MYO1E: variants seen among roughly 807,000 people sequenced by gnomAD.
The protein encoded by MYO1E is unconventional myosin-Ie.
MYO1E carries 68 observed loss-of-function variants against 151.1 expected under a neutral mutation model. The observed-to-expected ratio is 0.45, with a 90% CI of 0.37 to 0.55. The LOEUF is 0.55. MYO1E is among the 20% of genes least tolerant of loss of function. MYO1E has a pLI of 0.00. For missense variants in MYO1E, 1,363 were observed against 1,389.3 expected, an observed-to-expected ratio of 0.98 and a Z score of 0.30; for synonymous variants, 601 against 501.7, an observed-to-expected ratio of 1.20 and a Z score of -2.64.
chr15:59,147,426 C>T (rs2079447668), intron 26 of MYO1E, among the ~76,000 whole-genome samples: 1 of 151,788 alleles, frequency 6.6e-6, no homozygotes, highest in Admixed American at 6.6e-5. Flanking sequence ...ATGGCGAAAC[C>T]CCGTCCCTAC....
intron 4 of MYO1E, among the ~76,000 whole-genome samples, chr15:59,238,009 A>G (rs1164974177): frequency 6.6e-6 from 1 of 152,164 alleles, no homozygotes; most frequent in Non-Finnish European, 1.5e-5. Context: ...TATGCAAGTC[A>G]CTCACCATCC....
chr15:59,222,983 CAAAGG>C, intron 9 of MYO1E, 71 bp downstream of exon 9: 2 of 1,592,280 alleles, frequency 1.3e-6, no homozygotes, highest in Non-Finnish European at 1.7e-6. Flanking sequence ...GAGATCTAAG[CAAAGG>C]AAAGTGCTAG....
chr15:59,181,686 A>G (rs1382092919), intron 18 of MYO1E, among the ~76,000 whole-genome samples: 1 of 152,250 alleles, frequency 6.6e-6, no homozygotes, highest in Non-Finnish European at 1.5e-5. Context: ...AACACACAGA[A>G]TATTTCCTAA....
intron 17 of MYO1E, among the ~76,000 whole-genome samples, chr15:59,188,501 G>A (rs1180901838): frequency 6.6e-6 from 1 of 152,038 alleles, no homozygotes; most frequent in Non-Finnish European, 1.5e-5. Context: ...TTCAAGACCA[G>A]CCTGGCCAAC....
intron 25 of MYO1E, among the ~76,000 whole-genome samples, chr15:59,157,936 A>G (rs2079517944): frequency 6.6e-6 from 1 of 152,216 alleles, no homozygotes; most frequent in Non-Finnish European, 1.5e-5. Context: ...TTAGACCTGT[A>G]AACTCCTATT....
chr15:59,336,840 G>A (rs775583824), intron 1 of MYO1E, among the ~76,000 whole-genome samples: 6 of 151,404 alleles, frequency 4.0e-5, no homozygotes, highest in South Asian at 2.1e-4. Context: ...GAGAACATGC[G>A]GTGTTTGGTT....
chr15:59,212,006 C>A (rs1253686429), intron 12 of MYO1E, among the ~76,000 whole-genome samples: 1 of 152,064 alleles, frequency 6.6e-6, no homozygotes, highest in Non-Finnish European at 1.5e-5. Context: ...TCATGTCACT[C>A]CTCCCTCAAA....
chr15:59,144,003 CCT>C lies in MYO1E; in HGVS notation c.3081-5638_3081-5637del, dbSNP rs1242040206. 8.5e-4 allele frequency among the ~76,000 whole-genome samples: 130 copies of C among 152,238 alleles called. 1 individual carries two copies. Among genetic ancestry groups the C allele is most frequent in the Non-Finnish European group, 3.4e-4 (23 of 68,024 alleles). ...TTGTGTGGCTATTTGGCTAACTCCC[CCT>C]GAGATGGGGCCTCAAGCTCTATGTT... On this transcript the variant is annotated intron_variant, in intron 26 of 27. Coordinates refer to ENST00000288235, the MANE Select transcript of MYO1E (RefSeq NM_004998.4).
chr15:59,256,165 C>T, intron 4 of MYO1E, 119 bp downstream of exon 4: 1 of 743,472 alleles, frequency 1.3e-6, no homozygotes, highest in South Asian at 1.5e-5. Flanking sequence ...GCTACTCAGA[C>T]ACATTAACCA....
intron 16 of MYO1E, among the ~76,000 whole-genome samples, chr15:59,199,298 T>C (rs2079786605): frequency 6.6e-6 from 1 of 152,124 alleles, no homozygotes; most frequent in Admixed American, 6.5e-5. Context: ...GGTTTCACCA[T>C]GTTGGCCAGA....
At chr15:59,191,476 G>A (rs12903377) in intron 17 of MYO1E, among the ~76,000 whole-genome samples, 67,123 of 151,890 alleles carry the variant, frequency 0.44, 18,425 homozygotes, top group Non-Finnish European at 0.63. Context: ...TCTCTAGTGA[G>A]AAAAATGCAT....
intron 16 of MYO1E, among the ~76,000 whole-genome samples, chr15:59,200,517 G>A (rs1421550931): frequency 1.3e-5 from 2 of 152,052 alleles, no homozygotes; most frequent in Non-Finnish European, 2.9e-5. Context: ...GGCTGGACTC[G>A]GTGGCTTGTG....
At chr15:59,262,847 A>T (rs539444482) in intron 2 of MYO1E, among the ~76,000 whole-genome samples, 9 of 152,212 alleles carry the variant, frequency 5.9e-5, no homozygotes, top group Non-Finnish European at 1.3e-4. Flanking sequence ...ACTTATGATC[A>T]CATGAAAAAT....
chr15:59,137,484 GAAGATGAGA>G, intron 27 of MYO1E, 28 bp from the exon 28 acceptor site: 1 of 1,601,440 alleles, frequency 6.2e-7, no homozygotes. Flanking sequence ...TGGTGGAAGT[GAAGATGAGA>G]AAGTCTGTTC....
At chr15:59,320,054 C>G (rs1281370901) in intron 1 of MYO1E, among the ~76,000 whole-genome samples, 1 of 152,130 alleles carries the variant, frequency 6.6e-6, no homozygotes, top group Non-Finnish European at 1.5e-5. Flanking sequence ...TGAGCCAAAT[C>G]AAGAATGCAA....
chr15:59,292,137 G>A (rs1364187825), intron 1 of MYO1E, among the ~76,000 whole-genome samples: 1 of 152,098 alleles, frequency 6.6e-6, no homozygotes, highest in African/African-American at 2.4e-5. Context: ...TGTTTTGAGT[G>A]GCTGTGGATA....
rs756388791 is a variant in MYO1E at position 59,240,458 on chromosome 15, T to TG, written c.333-3787dup. Among the ~76,000 whole-genome samples the TG allele has an allele frequency of 9.2e-5, 14 of 152,174 alleles. No individual in the cohort carries two copies. In the East Asian group the frequency reaches 1.3e-3, roughly 15 times the overall value. Reference sequence around the variant, plus strand: ...TATCAACGAAATGGAAAGAATGTTCTGGGGAAAAAAAGCCATTTACAATGG... The same window carrying TG: ...TATCAACGAAATGGAAAGAATGTTCTGGGGGAAAAAAAGCCATTTACAATGG... On this transcript the variant is annotated intron_variant, in intron 4 of 27. Coordinates refer to ENST00000288235, the MANE Select transcript of MYO1E (RefSeq NM_004998.4).
chr15:59,268,144 C>CCATT (rs1444157016), intron 2 of MYO1E, among the ~76,000 whole-genome samples: 1 of 152,142 alleles, frequency 6.6e-6, no homozygotes, highest in Non-Finnish European at 1.5e-5. Flanking sequence ...TACAGTAATG[C>CCATT]CATTCTATTA....
intron 8 of MYO1E, among the ~76,000 whole-genome samples, chr15:59,224,400 A>G (rs1453762945): frequency 2.0e-5 from 3 of 152,240 alleles, no homozygotes; most frequent in African/African-American, 7.2e-5. Context: ...ATCAGCAAAC[A>G]GGTATGCTCA....
Sources: allele counts gnomAD v4.1 joint callset (sites outside exome capture counted in the v4.1 genomes callset), GRCh38; gene constraint gnomAD v4.1.1; transcripts MANE v1.5; gene names NCBI Gene and HGNC (gene_info 2026-07-23, HGNC 2026-07-21).